The following BICC1 variants were observed in gnomAD, a reference collection of about 807,000 sequenced individuals.
BICC1 encodes protein bicaudal C homolog 1.
BICC1 carries 43 observed loss-of-function variants against 111.0 expected under a neutral mutation model. The observed-to-expected ratio is 0.39, with a 90% CI of 0.30 to 0.50. The LOEUF (loss-of-function observed/expected upper bound fraction) is 0.50. Among genes scored for constraint, BICC1 ranks in the 20% least tolerant of loss-of-function variants. The pLI, the probability that BICC1 is intolerant of heterozygous loss-of-function variation, is 0.88. For synonymous variants in BICC1, 467 were observed against 434.4 expected (o/e 1.07, Z -0.93); for missense variants, 1,091 against 1,203.2 (o/e 0.91, Z 1.38).
At chr10:58,693,888 G>A (rs1485996397) in intron 2 of BICC1, among the ~76,000 whole-genome samples, 1 of 152,056 alleles carries the variant, frequency 6.6e-6, no homozygotes. Flanking sequence ...TGTCAATTTT[G>A]GCTTTTGTTG....
At chr10:58,781,394 T>C (rs1842881318) in intron 3 of BICC1, among the ~76,000 whole-genome samples, 1 of 152,212 alleles carries the variant, frequency 6.6e-6, no homozygotes, top group Admixed American at 6.5e-5. Flanking sequence ...TGTTTGGCAC[T>C]GTGGTAGTTA....
chr10:58,828,460 A>G (rs1844461712), intron 20 of BICC1, among the ~76,000 whole-genome samples: 1 of 152,222 alleles, frequency 6.6e-6, no homozygotes, highest in South Asian at 2.1e-4. Context: ...AGAATGGTAT[A>G]TCCTCCAATA....
At chr10:58,639,719 A>T (rs1342565151) in intron 2 of BICC1, among the ~76,000 whole-genome samples, 7 of 93,164 alleles carry the variant, frequency 7.5e-5, no homozygotes, top group East Asian at 3.2e-4. Flanking sequence ...GCCCGGCCAA[A>T]TTTTTTTTTT....
chr10:58,818,123 A>G (rs1458265589), intron 19 of BICC1, among the ~76,000 whole-genome samples: 3 of 152,168 alleles, frequency 2.0e-5, no homozygotes, highest in African/African-American at 7.2e-5. Context: ...AGCATCTGAA[A>G]TATCTCTGGC....
Position 58,829,021 on chromosome 10 carries a change from A to T in BICC1, c.*130A>T, listed in dbSNP as rs1844481476. 1 of 1,074,176 alleles carries T rather than the reference A, an allele frequency of 9.3e-7. No homozygotes were observed. Among genetic ancestry groups the T allele is most frequent in the Non-Finnish European group, 1.3e-6 (1 of 760,376 alleles). The allele number at this position is 1,074,176 out of a possible 1,614,324, so 66.5% of individuals were successfully genotyped here. ...ATCAGGACCAAAGCATTTTATTCGCACCTGTACTTTATGGCAAAAAGGAAG... is the reference window on the plus strand; with the variant it reads ...ATCAGGACCAAAGCATTTTATTCGCTCCTGTACTTTATGGCAAAAAGGAAG... On this transcript the variant is annotated 3_prime_UTR_variant, in exon 21 of 21. Coordinates refer to ENST00000373886, the MANE Select transcript of BICC1 (RefSeq NM_001080512.3).
intron 1 of BICC1, among the ~76,000 whole-genome samples, chr10:58,513,925 C>G (rs1003487906): frequency 3.3e-5 from 5 of 152,204 alleles, no homozygotes; most frequent in Non-Finnish European, 7.4e-5. Flanking sequence ...GGAGGCAGTG[C>G]TGCTGTGTTT....
chr10:58,596,857 G>T (rs1270606091), intron 1 of BICC1, among the ~76,000 whole-genome samples: 1 of 152,154 alleles, frequency 6.6e-6, no homozygotes, highest in African/African-American at 2.4e-5. Flanking sequence ...GAATGTGAAG[G>T]ACCTCTTCAA....
At chr10:58,601,500 CTTA>C (rs894963750) in intron 1 of BICC1, among the ~76,000 whole-genome samples, 8 of 151,740 alleles carry the variant, frequency 5.3e-5, no homozygotes, top group Admixed American at 1.3e-4. Flanking sequence ...CTTGTTTTTG[CTTA>C]TTATGTGTAT....
intron 2 of BICC1, among the ~76,000 whole-genome samples, chr10:58,657,156 C>G (rs1353143849): frequency 2.0e-5 from 3 of 152,156 alleles, no homozygotes; most frequent in Non-Finnish European, 4.4e-5. Flanking sequence ...CCTACTCTTG[C>G]CTGGGCGAGA....
In BICC1 at chr10:58,816,760, T is replaced by TG. The variant is rs778004109; in HGVS notation, c.2534-801dup. ...ATCTCCAAGGCTGTGTGTGTGTGTG[T>TG]GTGTGTGTGTGTGTGTGTGTGTGTG... On this transcript the variant is annotated intron_variant, in intron 18 of 20. Transcript: ENST00000373886. 5.8e-3 allele frequency among the ~76,000 whole-genome samples: 868 copies of TG among 149,046 alleles called. 9 individuals carry two copies. The highest frequency in any genetic ancestry group is 0.01 in the Non-Finnish European group (677 of 67,242).
At chr10:58,548,298 A>G (rs1221415197) in intron 1 of BICC1, among the ~76,000 whole-genome samples, 1 of 152,194 alleles carries the variant, frequency 6.6e-6, no homozygotes, top group East Asian at 1.9e-4. Context: ...ATTCCTAACT[A>G]AATACCCTGT....
chr10:58,669,770 A>G (rs372235779), intron 2 of BICC1, among the ~76,000 whole-genome samples: 2 of 152,288 alleles, frequency 1.3e-5, no homozygotes, highest in African/African-American at 4.8e-5. Context: ...ATGAGCTAGA[A>G]CTTTACCCAT....
intron 15 of BICC1, among the ~76,000 whole-genome samples, chr10:58,804,902 C>T (rs1267246563): frequency 6.6e-6 from 1 of 152,202 alleles, no homozygotes; most frequent in Non-Finnish European, 1.5e-5. Context: ...TCTGTATCTC[C>T]TGATTGCTCT....
chr10:58,528,856 C>T (rs1034526631), intron 1 of BICC1, among the ~76,000 whole-genome samples: 30 of 151,920 alleles, frequency 2.0e-4, no homozygotes. Context: ...GTTGGTTCTC[C>T]ATACATGAGT....
At chr10:58,572,692 GAT>G (rs1323278029) in intron 1 of BICC1, among the ~76,000 whole-genome samples, 2 of 152,180 alleles carry the variant, frequency 1.3e-5, no homozygotes, top group East Asian at 3.9e-4. Context: ...TCTACCTGTA[GAT>G]ATATAGCACA....
intron 2 of BICC1, among the ~76,000 whole-genome samples, chr10:58,635,241 C>T (rs1837919840): frequency 6.6e-6 from 1 of 152,152 alleles, no homozygotes; most frequent in African/African-American, 2.4e-5. Flanking sequence ...CAGGCATTTA[C>T]AGTTAAAAAA....
At chr10:58,704,769 A>G (rs1187272249) in intron 3 of BICC1, among the ~76,000 whole-genome samples, 1 of 152,224 alleles carries the variant, frequency 6.6e-6, no homozygotes, top group African/African-American at 2.4e-5. Context: ...GAATATACAC[A>G]TAATCCCCAG....
At chr10:58,574,849 C>T (rs988707657) in intron 1 of BICC1, among the ~76,000 whole-genome samples, 2 of 152,066 alleles carry the variant, frequency 1.3e-5, no homozygotes, top group Admixed American at 6.6e-5. Context: ...TCTTGTGTGT[C>T]TGGTGTACAA....
chr10:58,539,567 T>C (rs1564477780), intron 1 of BICC1, among the ~76,000 whole-genome samples: 1 of 151,788 alleles, frequency 6.6e-6, no homozygotes, highest in Non-Finnish European at 1.5e-5. Context: ...CATTATGTAA[T>C]GATGAAAGGG....
Sources: allele counts gnomAD v4.1 joint callset (sites outside exome capture counted in the v4.1 genomes callset), GRCh38; gene constraint gnomAD v4.1.1; transcripts MANE v1.5; gene names NCBI Gene and HGNC (gene_info 2026-07-23, HGNC 2026-07-21).